Variants in TTC28 observed in about 807,000 individuals in gnomAD.
TTC28 encodes the protein tetratricopeptide repeat domain 28, also known as tetratricopeptide repeat protein 28.
Under a neutral mutation model 198.0 loss-of-function variants are expected in TTC28, and 61 were observed. The ratio of observed to expected loss-of-function variants is 0.31; its 90% CI spans 0.25 to 0.38. The LOEUF (loss-of-function observed/expected upper bound fraction) is 0.38. Ranked by LOEUF, TTC28 falls within the 10% of genes least tolerant of loss-of-function variation. TTC28 has a pLI of 1.00. For missense variants in TTC28, 2,678 were observed against 3,164.0 expected, an observed-to-expected ratio of 0.85 and a Z score of 3.69; for synonymous variants, 1,171 against 1,297.8, an observed-to-expected ratio of 0.90 and a Z score of 2.10.
intron 3 of TTC28, among the ~76,000 whole-genome samples, chr22:28,305,578 T>C (rs559502403): frequency 6.6e-6 from 1 of 152,302 alleles, no homozygotes; most frequent in Non-Finnish European, 1.5e-5. Flanking sequence ...TGTTGAATGA[T>C]GCTGCCATCA....
In TTC28 at chr22:27,989,893, A is replaced by G; in HGVS notation, c.5692T>C (p.Phe1898Leu). ...CTCTGCCTACCTAGAGCTGCCAGGA[A>G]CTCGTGGCATCCCGGGAGCCGCCAC... ...QLWRLPGCHE[F>L]LAALGFDLCE... Residue 1898 changes from phenylalanine (F) to leucine (L), a missense_variant, in exon 21 of 23, where the codon TTC becomes CTC. Around this residue, in one of 8 missense-constraint regions of TTC28, gnomAD observed 314 missense variants for 442.7 expected, o/e 0.71. Coordinates refer to ENST00000397906, the MANE Select transcript of TTC28 (RefSeq NM_001145418.2). The G allele has an allele frequency of 6.4e-7, 1 of 1,550,994 alleles. No homozygotes were observed. The highest frequency in any genetic ancestry group is 8.7e-7 in the Non-Finnish European group (1 of 1,146,638).
At chr22:28,030,048 G>A (rs1939008873) in intron 13 of TTC28, among the ~76,000 whole-genome samples, 178 bp downstream of exon 13, 1 of 152,250 alleles carries the variant, frequency 6.6e-6, no homozygotes, top group Admixed American at 6.5e-5. Context: ...TGGAGATGCT[G>A]CTGTGAAGCA....
At chr22:28,538,055 C>T (rs1264837735) in intron 2 of TTC28, among the ~76,000 whole-genome samples, 2 of 152,144 alleles carry the variant, frequency 1.3e-5, no homozygotes, top group Non-Finnish European at 2.9e-5. Flanking sequence ...TCATTGCATA[C>T]ATATCTAATT....
intron 2 of TTC28, among the ~76,000 whole-genome samples, chr22:28,315,643 CCTTT>C (rs1174816979): frequency 6.6e-5 from 10 of 152,154 alleles, no homozygotes; most frequent in East Asian, 1.9e-4. Context: ...AGAGTAAGTT[CCTTT>C]CTTTTTTAGT....
intron 2 of TTC28, among the ~76,000 whole-genome samples, chr22:28,554,092 T>C (rs9620805): frequency 0.011 from 1,736 of 152,204 alleles, 22 homozygotes; most frequent in African/African-American, 0.04. Flanking sequence ...CTGTGCTCTC[T>C]GAAACATGTG....
At chr22:28,534,760 T>C (rs1053194516) in intron 2 of TTC28, among the ~76,000 whole-genome samples, 1 of 152,062 alleles carries the variant, frequency 6.6e-6, no homozygotes, top group African/African-American at 2.4e-5. Context: ...ATGTCCTTTG[T>C]AGGGACATGG....
intron 12 of TTC28, among the ~76,000 whole-genome samples, chr22:28,042,431 G>A (rs1939681596): frequency 2.0e-5 from 3 of 152,146 alleles, no homozygotes; most frequent in South Asian, 2.1e-4. Flanking sequence ...AACCTTTGCA[G>A]GGACTTGGAT....
intron 5 of TTC28, among the ~76,000 whole-genome samples, chr22:28,261,631 T>C (rs1191362123): frequency 1.3e-5 from 2 of 152,208 alleles, no homozygotes; most frequent in Non-Finnish European, 1.5e-5. Context: ...TAAATTTGAA[T>C]AACCCTCTCT....
chr22:28,098,399 C>T (rs1297637903), intron 10 of TTC28, among the ~76,000 whole-genome samples: 1 of 152,128 alleles, frequency 6.6e-6, no homozygotes, highest in East Asian at 1.9e-4. Context: ...TCTCTGGCTC[C>T]CGGACCCACC....
intron 2 of TTC28, among the ~76,000 whole-genome samples, chr22:28,575,166 A>G (rs1242429882): frequency 6.6e-6 from 1 of 152,222 alleles, no homozygotes; most frequent in African/African-American, 2.4e-5. Context: ...TTGAGGTCTT[A>G]GATTTAAGTC....
chr22:28,325,416 A>AG (rs2045513283), intron 2 of TTC28, among the ~76,000 whole-genome samples: 1 of 151,926 alleles, frequency 6.6e-6, no homozygotes, highest in African/African-American at 2.4e-5. Flanking sequence ...ATATTATGTG[A>AG]ACCTCATCAC....
intron 2 of TTC28, among the ~76,000 whole-genome samples, chr22:28,544,372 G>A (rs2049490485): frequency 6.6e-6 from 1 of 152,090 alleles, no homozygotes; most frequent in Non-Finnish European, 1.5e-5. Context: ...ATAAAAGAAA[G>A]CATTTGATAG....
At chr22:28,456,677 G>C (rs570022960) in intron 2 of TTC28, among the ~76,000 whole-genome samples, 2 of 152,160 alleles carry the variant, frequency 1.3e-5, no homozygotes, top group Non-Finnish European at 2.9e-5. Flanking sequence ...CAGGATTCAA[G>C]CGATTCTCCT....
chr22:28,304,971 A>ATTATTTATTTAT (rs112686882), intron 3 of TTC28, among the ~76,000 whole-genome samples: 5,192 of 147,950 alleles, frequency 0.035, 132 homozygotes, highest in African/African-American at 0.061. Context: ...TTGTTTATTT[A>ATTATTTATTTAT]TTATTTATTT....
chr22:28,672,279 T>TGCCTCAGCCTCTGGAGTAGCTG (rs1203816882), intron 1 of TTC28, among the ~76,000 whole-genome samples: 2 of 152,180 alleles, frequency 1.3e-5, no homozygotes, highest in East Asian at 3.9e-4. Context: ...AGCAGTTCTC[T>TGCCTCAGCCTCTGGAGTAGCTG]GCCTCAGCCT....
In TTC28 at chr22:28,062,574, ATCC is replaced by A. The variant is rs1432411395; in HGVS notation, c.3932+31503_3932+31505del. Among the ~76,000 whole-genome samples the A allele has an allele frequency of 8.6e-5, 13 of 151,876 alleles. 1 individual carries two copies. The highest frequency in any genetic ancestry group is 3.1e-4 in the African/African-American group (13 of 41,476). ...AGACTTGAACTCCTGGGCTCACGTGATCCTCCTGTCTAGCCTCCCAAGAAGCTG... is the reference window on the plus strand; with the variant it reads ...AGACTTGAACTCCTGGGCTCACGTGATCCTGTCTAGCCTCCCAAGAAGCTG... On this transcript the variant is annotated intron_variant, in intron 12 of 22. Transcript: ENST00000397906.
intron 1 of TTC28, among the ~76,000 whole-genome samples, chr22:28,671,653 A>T: frequency 6.7e-6 from 1 of 149,074 alleles, no homozygotes; most frequent in Admixed American, 6.7e-5. Context: ...AAAAAAAAAA[A>T]ATTTCTTCCA....
chr22:28,356,475 C>CA (rs1389689019), intron 2 of TTC28, among the ~76,000 whole-genome samples: 1 of 152,126 alleles, frequency 6.6e-6, no homozygotes, highest in East Asian at 1.9e-4. Flanking sequence ...GCTTCTTGTT[C>CA]AAAAAACAGG....
chr22:28,512,161 G>C (rs780686840), intron 2 of TTC28, among the ~76,000 whole-genome samples: 2 of 150,200 alleles, frequency 1.3e-5, no homozygotes, highest in Non-Finnish European at 3.0e-5. Context: ...CTCAAAAGAA[G>C]ACATACATGA....
Sources: allele counts gnomAD v4.1 joint callset (sites outside exome capture counted in the v4.1 genomes callset), GRCh38; gene constraint gnomAD v4.1.1; regional missense constraint gnomAD v4.1.1; transcripts MANE v1.5; gene names NCBI Gene and HGNC (gene_info 2026-07-23, HGNC 2026-07-21).